The following MTTP variants were observed in gnomAD, a reference collection of about 807,000 sequenced individuals.
MTTP encodes the protein microsomal triglyceride transfer protein.
A neutral mutation model predicts 90.6 loss-of-function variants in MTTP; 49 were observed. The ratio of observed to expected loss-of-function variants is 0.54; its 90% confidence interval spans 0.43 to 0.69. The LOEUF (loss-of-function observed/expected upper bound fraction) is 0.69, where lower values mean the gene tolerates loss of function less well. MTTP is among the 30% of genes least tolerant of loss of function. The pLI is 0.00. For missense variants in MTTP, 945 were observed against 1,067.5 expected, an observed-to-expected ratio of 0.89 and a Z score of 1.60; for synonymous variants, 347 against 384.2, an observed-to-expected ratio of 0.90 and a Z score of 1.13.
At chr4:99,582,848 GTC>G (rs1449542397) in intron 2 of MTTP, among the ~76,000 whole-genome samples, 1 of 152,090 alleles carries the variant, frequency 6.6e-6, no homozygotes, top group Non-Finnish European at 1.5e-5. Flanking sequence ...TTCTTTGGGT[GTC>G]TCTAATTGCT....
intron 7 of MTTP, 150 bp from the exon 8 acceptor site, chr4:99,596,917 C>A: frequency 1.1e-6 from 1 of 904,320 alleles, no homozygotes; most frequent in Non-Finnish European, 1.8e-6. Context: ...ATGATATGGG[C>A]AGGGAACTGT....
chr4:99,573,551 A>C (rs1339545114), upstream of MTTP, among the ~76,000 whole-genome samples: 2 of 152,186 alleles, frequency 1.3e-5, no homozygotes, highest in African/African-American at 4.8e-5. Flanking sequence ...TTCTAATCCC[A>C]ATAGAAGAAC....
In MTTP at chr4:99,591,366, A is replaced by G; in HGVS notation, c.618+15A>G. 1 of 1,536,692 alleles carries G rather than the reference A, an allele frequency of 6.5e-7. No individual in the cohort carries two copies. Among genetic ancestry groups the G allele is most frequent in the Non-Finnish European group, 9.0e-7 (1 of 1,109,712 alleles). ...CCCCAAATCAGGTATGATAGATGTC[A>G]CTTTCTTTGAGGCATTAAAATAATT... On this transcript the variant is annotated intron_variant, in intron 5 of 17. Transcript: ENST00000265517.
chr4:99,604,347 C>A (rs1394547739), intron 10 of MTTP, among the ~76,000 whole-genome samples: 3 of 152,068 alleles, frequency 2.0e-5, no homozygotes, highest in Non-Finnish European at 4.4e-5. Flanking sequence ...AGTACTATGC[C>A]ACATGTTTCT....
intron 1 of MTTP, among the ~76,000 whole-genome samples, chr4:99,576,209 A>G (rs1223289133): frequency 6.6e-6 from 1 of 152,204 alleles, no homozygotes; most frequent in Non-Finnish European, 1.5e-5. Context: ...TATATAGAGG[A>G]CTTACTATTT....
chr4:99,567,517 C>T lies in MTTP; in HGVS notation c.-102+3280C>T, dbSNP rs535745697. ...ACAGAGGAAACCAATGTGAGGTCGG[C>T]GTCAAAACTGGCAGGTTGTTCAGCA... On this transcript the variant is annotated intron_variant, in intron 1 of 18. Coordinates refer to the MTTP transcript ENST00000457717. Among the ~76,000 whole-genome samples the T allele has an allele frequency of 5.9e-5, 9 of 152,236 alleles. No homozygotes were observed. The South Asian group carries it at 1.5e-3, about 25-fold the overall frequency.
At chr4:99,583,310 G>A in intron 2 of MTTP, 64 bp from the exon 3 acceptor site, 1 of 1,532,338 alleles carries the variant, frequency 6.5e-7, no homozygotes. Context: ...TTTATTTTCA[G>A]AGATACTCTG....
intron 3 of MTTP, 37 bp from the exon 4 acceptor site, chr4:99,589,606 T>C (rs770325426): frequency 1.4e-5 from 16 of 1,164,094 alleles, no homozygotes; most frequent in Non-Finnish European, 1.8e-5. Context: ...TGATGCATTT[T>C]TGCTTCATTT....
chr4:99,575,044 G>A (rs1724923443), intron 1 of MTTP, 74 bp downstream of exon 1: 2 of 1,485,446 alleles, frequency 1.3e-6, no homozygotes, highest in African/African-American at 1.4e-5. Flanking sequence ...GCGTGTGTGT[G>A]TGTTTGTGTG....
At chr4:99,568,265 A>T (rs1205436810) in intron 1 of MTTP, among the ~76,000 whole-genome samples, 1 of 152,142 alleles carries the variant, frequency 6.6e-6, no homozygotes, top group Non-Finnish European at 1.5e-5. Flanking sequence ...CCCCAAAAAC[A>T]TACCAAAAAA....
chr4:99,592,161 A>T (rs921754051), intron 6 of MTTP, among the ~76,000 whole-genome samples: 22 of 152,208 alleles, frequency 1.4e-4, no homozygotes, highest in African/African-American at 5.3e-4. Context: ...TATAAAAGAT[A>T]CTATGTAGGT....
intron 3 of MTTP, 73 bp from the exon 4 acceptor site, chr4:99,589,570 C>T (rs1255158530): frequency 2.3e-6 from 2 of 863,588 alleles, no homozygotes; most frequent in East Asian, 2.5e-5. Context: ...TCTGACCTTG[C>T]CTGACACTTA....
intron 3 of MTTP, among the ~76,000 whole-genome samples, chr4:99,586,199 T>A (rs1725255937): frequency 6.6e-6 from 1 of 152,144 alleles, no homozygotes; most frequent in Non-Finnish European, 1.5e-5. Context: ...TCATTGCACA[T>A]CTTCTTTTTT....
Position 99,574,972 on chromosome 4 carries a change from T to C in MTTP, c.61+2T>C, listed in dbSNP as rs1724921608. 8.1e-6 allele frequency: 13 copies of C among 1,614,102 alleles called. No individual in the cohort carries two copies. The highest frequency in any genetic ancestry group is 1.1e-5 in the Non-Finnish European group (13 of 1,179,992). ...CCTCATATTCAGCTTCTGTTAAAGG[T>C]AAGTTTGTGTTGCCTTTTGCTAAAC... On this transcript the variant is annotated splice_donor_variant, in intron 1 of 17. Coordinates refer to ENST00000265517, the MANE Select transcript of MTTP (RefSeq NM_001386140.1). LOFTEE classifies it high-confidence loss of function.
rs1726008371 is a variant in MTTP at position 99,613,249 on chromosome 4, A to G, written c.2217+109A>G. 8 of 966,018 alleles carry G rather than the reference A, an allele frequency of 8.3e-6. No individual in the cohort carries two copies. In the Admixed American group the frequency reaches 1.4e-4, roughly 17 times the overall value. The allele number at this position is 966,018 out of a possible 1,614,324, so 59.8% of individuals were successfully genotyped here. On this transcript the variant is annotated intron_variant, in intron 15 of 17. Coordinates refer to ENST00000265517, the MANE Select transcript of MTTP (RefSeq NM_001386140.1). ...CAAGACAAAATTGTGCCCATCTTGG[A>G]GCTCATATTCCAAGCACTTGGCCCT...
chr4:99,617,200 A>G (rs751048740), intron 15 of MTTP, among the ~76,000 whole-genome samples: 47 of 152,174 alleles, frequency 3.1e-4, no homozygotes, highest in Non-Finnish European at 4.4e-4. Flanking sequence ...TAATGCCTCA[A>G]ACAACCCCTT....
intron 15 of MTTP, among the ~76,000 whole-genome samples, chr4:99,617,756 C>T (rs542399169): frequency 1.3e-5 from 2 of 152,188 alleles, no homozygotes; most frequent in African/African-American, 4.8e-5. Context: ...TGCAGGCAAA[C>T]AGCACAAAAC....
rs777917167 is a variant in MTTP, at chr4:99,594,781, T to C, written c.807T>C (p.Ser269=). The change falls in exon 7 of 18, where the codon TCT becomes TCC. Residue 269 remains serine, a synonymous_variant. Coordinates refer to ENST00000265517, the MANE Select transcript of MTTP (RefSeq NM_001386140.1). ...CCGAAGCAGGCCCAAGATTGATGTC[T>C]GGAAAGCAGGCTGCAGCCATAATCA... ...KTTEAGPRLM[S]GKQAAAIIKA... is the part of the protein sequence containing the mutation. 6 of 1,613,954 alleles carry C rather than the reference T, an allele frequency of 3.7e-6. No homozygotes were observed. Among genetic ancestry groups the C allele is most frequent in the Admixed American group, 1.7e-5 (1 of 60,000 alleles).
At chr4:99,591,958 A>G (rs1289052687) in intron 6 of MTTP, among the ~76,000 whole-genome samples, 168 bp downstream of exon 6, 1 of 152,120 alleles carries the variant, frequency 6.6e-6, no homozygotes, top group Non-Finnish European at 1.5e-5. Context: ...CAATTTCATC[A>G]CTGTGCAAAC....
Sources: gnomAD v4.1 joint callset for allele counts (sites outside exome capture counted in the v4.1 genomes callset) on GRCh38, gnomAD v4.1.1 for gene constraint, MANE v1.5 for transcripts, NCBI Gene and HGNC (gene_info 2026-07-23, HGNC 2026-07-21) for gene names.